Variants in SNAP25 observed in about 807,000 individuals in gnomAD.
SNAP25 encodes the protein synaptosome associated protein 25.
In SNAP25, 3 loss-of-function variants were observed where a neutral mutation model predicts 28.7. The ratio of observed to expected loss-of-function variants is 0.10; its 90% CI spans 0.05 to 0.27. The LOEUF is 0.27. Ranked by LOEUF, SNAP25 falls within the 10% of genes least tolerant of loss-of-function variation. SNAP25 has a pLI of 1.00. For synonymous variants in SNAP25, 61 were observed against 88.1 expected, an observed-to-expected ratio of 0.69 and a Z score of 1.72; for missense variants, 117 against 278.7, an observed-to-expected ratio of 0.42 and a Z score of 4.13.
chr20:10,270,742 T>G (rs1167870241), intron 1 of SNAP25, among the ~76,000 whole-genome samples: 1 of 151,984 alleles, frequency 6.6e-6, no homozygotes, highest in East Asian at 1.9e-4. Flanking sequence ...AGTGACCCCA[T>G]TTCAGACCAA....
At chr20:10,255,692 A>G (rs936115498) in intron 1 of SNAP25, among the ~76,000 whole-genome samples, 16 of 152,334 alleles carry the variant, frequency 1.1e-4, no homozygotes, top group South Asian at 2.1e-4. Flanking sequence ...CGTGGGTTAG[A>G]AGATTTGTGT....
At chr20:10,288,442 G>A (rs2063928289) in intron 4 of SNAP25, among the ~76,000 whole-genome samples, 1 of 152,150 alleles carries the variant, frequency 6.6e-6, no homozygotes. Context: ...AAATTGCATT[G>A]TACTTTGATG....
At chr20:10,252,260 T>G (rs1360845938) in intron 1 of SNAP25, among the ~76,000 whole-genome samples, 1 of 152,204 alleles carries the variant, frequency 6.6e-6, no homozygotes, top group Non-Finnish European at 1.5e-5. Flanking sequence ...GCAGATCAAG[T>G]CAGTTCACAG....
chr20:10,290,090 G>A (rs183510554), intron 4 of SNAP25, among the ~76,000 whole-genome samples: 6 of 152,194 alleles, frequency 3.9e-5, no homozygotes, highest in African/African-American at 1.2e-4. Context: ...TGGATGGTGC[G>A]TTGCATCAGC....
intron 4 of SNAP25, among the ~76,000 whole-genome samples, chr20:10,286,467 G>A (rs966725929): frequency 6.6e-6 from 1 of 152,228 alleles, no homozygotes; most frequent in Middle Eastern, 3.4e-3. Flanking sequence ...GAAGCCCTCG[G>A]CCAGGCCAAT....
intron 1 of SNAP25, among the ~76,000 whole-genome samples, chr20:10,254,069 C>T (rs2063277430): frequency 1.3e-5 from 2 of 152,330 alleles, no homozygotes; most frequent in South Asian, 4.1e-4. Context: ...CGGAGGGTTC[C>T]TTTAGCAGGC....
chr20:10,306,235 C>A lies in SNAP25; in HGVS notation c.*38C>A. 1.3e-6 allele frequency: 2 copies of A among 1,584,590 alleles called. No homozygotes were observed. The highest frequency in any genetic ancestry group is 1.1e-5 in the South Asian group (1 of 90,232). On this transcript the variant is annotated 3_prime_UTR_variant, in exon 8 of 8. Coordinates refer to ENST00000254976, the MANE Select transcript of SNAP25 (RefSeq NM_130811.4). Reference sequence around the variant, plus strand: ...GTGTTCTCCTCCAAATGCTGTCGGGCAAGATAGCTCCTTCATGCTTTTCTC... The same window carrying A: ...GTGTTCTCCTCCAAATGCTGTCGGGAAAGATAGCTCCTTCATGCTTTTCTC...
At chr20:10,260,595 GC>G (rs2063393715) in intron 1 of SNAP25, among the ~76,000 whole-genome samples, 1 of 151,976 alleles carries the variant, frequency 6.6e-6, no homozygotes. Flanking sequence ...TTTAACAAGT[GC>G]TACCCATGAG....
intron 1 of SNAP25, among the ~76,000 whole-genome samples, chr20:10,257,838 A>T (rs2063346796): frequency 6.7e-6 from 1 of 149,448 alleles, no homozygotes; most frequent in Non-Finnish European, 1.5e-5. Context: ...AGCCAAGATC[A>T]TGCCACTGCA....
intron 1 of SNAP25, among the ~76,000 whole-genome samples, chr20:10,260,950 G>A (rs557243800): frequency 1.3e-5 from 2 of 152,212 alleles, no homozygotes; most frequent in African/African-American, 4.8e-5. Context: ...TCTTTCAAAT[G>A]CTAACTGCCT....
chr20:10,299,524 A>G, intron 7 of SNAP25, 112 bp downstream of exon 7: 2 of 1,053,752 alleles, frequency 1.9e-6, no homozygotes, highest in Non-Finnish European at 1.3e-6. Flanking sequence ...ATTCAGGCGC[A>G]CTGATAGCTG....
intron 1 of SNAP25, chr20:10,231,463 C>T (rs190248059): frequency 6.6e-6 from 1 of 152,430 alleles, no homozygotes; most frequent in Admixed American, 6.5e-5. Flanking sequence ...GCTCTTCTTC[C>T]ACTGCCCTTT....
intron 1 of SNAP25, among the ~76,000 whole-genome samples, chr20:10,225,881 A>G (rs1353411759): frequency 6.6e-6 from 1 of 152,122 alleles, no homozygotes; most frequent in African/African-American, 2.4e-5. Flanking sequence ...TACTGATAAC[A>G]GCAAGTAAAA....
intron 1 of SNAP25, among the ~76,000 whole-genome samples, chr20:10,263,713 T>C (rs1276645877): frequency 2.6e-5 from 4 of 152,178 alleles, no homozygotes; most frequent in African/African-American, 4.8e-5. Context: ...AGTTCTGTCC[T>C]AGGATGGGGA....
At chr20:10,287,503 G>T (rs1194517346) in intron 4 of SNAP25, among the ~76,000 whole-genome samples, 9 of 146,066 alleles carry the variant, frequency 6.2e-5, no homozygotes, top group African/African-American at 2.6e-5. Context: ...AAAAAGTCAG[G>T]AAACAACAGG....
At chr20:10,251,161 T>C (rs1036000616) in intron 1 of SNAP25, among the ~76,000 whole-genome samples, 1 of 152,220 alleles carries the variant, frequency 6.6e-6, no homozygotes, top group Admixed American at 6.5e-5. Context: ...TGCTGCTTTC[T>C]GCATGGTAGG....
Position 10,282,272 on chromosome 20 carries a change from C to A in SNAP25, c.115-2452C>A, listed in dbSNP as rs6108460. Among the ~76,000 whole-genome samples the A allele has an allele frequency of 7.8e-3, 1,185 of 152,084 alleles. 18 individuals are homozygous for A. The highest frequency in any genetic ancestry group is 0.027 in the African/African-American group (1,117 of 41,494). ...TAAAAAGGAGCCTGTGAGTGATTAACCAACCACTCAATCTTTTCAATCTTA... is the reference window on the plus strand; with the variant it reads ...TAAAAAGGAGCCTGTGAGTGATTAAACAACCACTCAATCTTTTCAATCTTA... On this transcript the variant is annotated intron_variant, in intron 3 of 7. Transcript: ENST00000254976.
chr20:10,281,859 G>A (rs2063783440), intron 3 of SNAP25, among the ~76,000 whole-genome samples: 1 of 152,156 alleles, frequency 6.6e-6, no homozygotes, highest in African/African-American at 2.4e-5. Flanking sequence ...TGGACCCTCT[G>A]AGGCTCATTT....
intron 1 of SNAP25, among the ~76,000 whole-genome samples, chr20:10,237,046 A>G (rs2062936953): frequency 6.6e-6 from 1 of 152,170 alleles, no homozygotes. Flanking sequence ...AGCCCTCCCA[A>G]AAGCAGATCC....
Sources: gnomAD v4.1 joint callset for allele counts (sites outside exome capture counted in the v4.1 genomes callset) on GRCh38, gnomAD v4.1.1 for gene constraint, MANE v1.5 for transcripts, NCBI Gene and HGNC (gene_info 2026-07-23, HGNC 2026-07-21) for gene names.